The following SHBG variants were observed in gnomAD, a reference collection of about 807,000 sequenced individuals.
SHBG encodes sex hormone-binding globulin.
A neutral mutation model predicts 41.9 loss-of-function variants in SHBG; 37 were observed. The ratio of observed to expected loss-of-function variants is 0.88; its 90% confidence interval spans 0.68 to 1.16. The LOEUF (loss-of-function observed/expected upper bound fraction) is 1.16, where lower values mean the gene tolerates loss of function less well. Ranked by LOEUF, SHBG falls within the 50% of genes most tolerant of loss-of-function variation. The pLI, the probability that SHBG is intolerant of heterozygous loss-of-function variation, is 0.00. For synonymous variants in SHBG, 217 were observed against 205.8 expected (o/e 1.05, Z -0.47); for missense variants, 466 against 499.9 (o/e 0.93, Z 0.65).
At chr17:7,614,463 C>A in intron 1 of SHBG, 1 of 1,540,704 alleles carries the variant, frequency 6.5e-7, no homozygotes, top group Non-Finnish European at 8.7e-7. Flanking sequence ...TTGTAGAAGG[C>A]CCCGTTGGAG....
upstream of SHBG, chr17:7,627,196 G>A (rs2072239483): frequency 1.2e-6 from 2 of 1,614,100 alleles, no homozygotes; most frequent in Non-Finnish European, 1.7e-6. The surrounding 1 kb of genome is among the most constrained non-coding windows in gnomAD (Gnocchi z 4.8). Flanking sequence ...GTGATAGAAA[G>A]GATTGTCTCC....
chr17:7,618,024 G>C (rs2072023863), intron 1 of SHBG, among the ~76,000 whole-genome samples: 1 of 152,096 alleles, frequency 6.6e-6, no homozygotes, highest in African/African-American at 2.4e-5. Flanking sequence ...TTTGAGACCA[G>C]CCTGGCCAAC....
At chr17:7,626,796 G>C (rs757249879), upstream of SHBG, 2 of 1,614,062 alleles carry the variant, frequency 1.2e-6, no homozygotes, top group Non-Finnish European at 1.7e-6. Context: ...CCCTTGACCT[G>C]TTGTGGAGAG....
chr17:7,632,077 G>T, intron 6 of SHBG, 62 bp downstream of exon 6: 1 of 1,546,820 alleles, frequency 6.5e-7, no homozygotes, highest in Non-Finnish European at 8.9e-7. Flanking sequence ...GAGGGAAGAG[G>T]GGAGTCCAAC....
At chr17:7,615,604 A>C (rs2150952834) in intron 1 of SHBG, among the ~76,000 whole-genome samples, 1 of 148,536 alleles carries the variant, frequency 6.7e-6, no homozygotes, top group South Asian at 2.1e-4. Flanking sequence ...GGATCACCTG[A>C]GGTCAGGGGT....
intron 1 of SHBG, among the ~76,000 whole-genome samples, chr17:7,621,094 CAAAAAAAAAAAAA>C (rs61026446): frequency 5.7e-5 from 3 of 52,272 alleles, no homozygotes; most frequent in African/African-American, 1.7e-4. Context: ...GACCCTGTCA[CAAAAAAAAAAAAA>C]AAAAAAAAAA....
chr17:7,622,743 C>T (rs1055927112), intron 1 of SHBG, among the ~76,000 whole-genome samples: 5 of 151,684 alleles, frequency 3.3e-5, no homozygotes, highest in African/African-American at 1.2e-4. Context: ...AAAATGTAAA[C>T]CCTGGGCTGG....
chr17:7,617,319 A>G, intron 1 of SHBG, among the ~76,000 whole-genome samples: 1 of 151,954 alleles, frequency 6.6e-6, no homozygotes, highest in Non-Finnish European at 1.5e-5. Context: ...TATTGCAACC[A>G]TGGCCAGGCA....
upstream of SHBG, among the ~76,000 whole-genome samples, chr17:7,625,191 G>A (rs1312951837): frequency 1.3e-5 from 2 of 151,572 alleles, no homozygotes; most frequent in Non-Finnish European, 2.9e-5. Flanking sequence ...TCAGATGATC[G>A]ACCCGCCTCG....
intron 1 of SHBG, among the ~76,000 whole-genome samples, chr17:7,619,224 C>G (rs150242520): frequency 7.2e-5 from 11 of 151,788 alleles, no homozygotes; most frequent in Non-Finnish European, 1.3e-4. Flanking sequence ...AACTCCATCT[C>G]TACTAAAAAT....
At chr17:7,627,013 A>C (rs2072232477), upstream of SHBG, 5 of 1,613,858 alleles carry the variant, frequency 3.1e-6, no homozygotes, top group Non-Finnish European at 4.2e-6. The surrounding 1 kb of genome is among the most constrained non-coding windows in gnomAD (Gnocchi z 4.8). Context: ...TGTAGATGAA[A>C]TAGTATATCC....
In SHBG at chr17:7,631,710, T is replaced by C; in HGVS notation, c.677T>C (p.Phe226Ser). The stretch of plus-strand genomic sequence containing the variant: ...GATGTAGAATCAAATCCCGGGATAT[T>C]TCTCCCTCCAGGGACTCAGGCAGAA... ...SCDVESNPGI[F>S]LPPGTQAEFN... Residue 226 changes from phenylalanine to serine, a missense_variant, in exon 5 of 8, where the codon TTT becomes TCT. Physicochemically the swap from Phe to Ser is radical, Grantham distance 155 (BLOSUM62 -2). Transcript: ENST00000380450. The C allele has an allele frequency of 6.2e-7, 1 of 1,614,092 alleles. No individual in the cohort carries two copies. Among genetic ancestry groups the C allele is most frequent in the Non-Finnish European group, 8.5e-7 (1 of 1,179,980 alleles).
chr17:7,620,239 G>A (rs1234750641), intron 1 of SHBG, among the ~76,000 whole-genome samples: 1 of 152,180 alleles, frequency 6.6e-6, no homozygotes, highest in East Asian at 1.9e-4. Context: ...GCCAAAGTGG[G>A]AGGATTGCTT....
upstream of SHBG, among the ~76,000 whole-genome samples, chr17:7,628,452 C>CT (rs1223504448): frequency 2.5e-3 from 343 of 138,252 alleles, 2 homozygotes; most frequent in African/African-American, 8.6e-3. Context: ...TTTTTCTTCT[C>CT]TTTTTTTTTG....
intron 1 of SHBG, among the ~76,000 whole-genome samples, chr17:7,621,760 A>T (rs142644234): frequency 1.3e-4 from 20 of 152,132 alleles, no homozygotes; most frequent in African/African-American, 4.8e-4. Flanking sequence ...CTGGGAGACC[A>T]GTAAGGAGGT....
At chr17:7,631,502 G>T in intron 4 of SHBG, 87 bp from the exon 5 acceptor site, 1 of 1,558,784 alleles carries the variant, frequency 6.4e-7, no homozygotes, top group Middle Eastern at 2.1e-4. Context: ...TGCTCAGAGG[G>T]GAGTCAACTG....
intron 1 of SHBG, among the ~76,000 whole-genome samples, chr17:7,616,107 G>A (rs1234923059): frequency 6.6e-6 from 1 of 151,298 alleles, no homozygotes; most frequent in Non-Finnish European, 1.5e-5. Context: ...AGGAGATGGA[G>A]ACCATTCTGG....
At chr17:7,619,359 C>T (rs2072049123) in intron 1 of SHBG, among the ~76,000 whole-genome samples, 1 of 148,444 alleles carries the variant, frequency 6.7e-6, no homozygotes, top group Non-Finnish European at 1.5e-5. Context: ...CATTGCACTC[C>T]AGCCTGGGCA....
chr17:7,614,601 G>C (rs1321710352), intron 1 of SHBG: 1 of 997,880 alleles, frequency 1.0e-6, no homozygotes, highest in Non-Finnish European at 1.3e-6. Context: ...GCCGGGCCAG[G>C]CCCCCGGCGT....
Sources: allele counts gnomAD v4.1 joint callset (sites outside exome capture counted in the v4.1 genomes callset), GRCh38; gene constraint gnomAD v4.1.1; non-coding constraint Gnocchi (gnomAD v3.1); transcripts MANE v1.5; gene names NCBI Gene and HGNC (gene_info 2026-07-23, HGNC 2026-07-21).